Variants in SEMA6A observed in about 807,000 individuals in gnomAD.
SEMA6A encodes semaphorin-6A.
A neutral mutation model predicts 96.8 loss-of-function variants in SEMA6A; 25 were observed. The observed-to-expected ratio is 0.26, with a 90% CI of 0.19 to 0.36. The LOEUF is 0.36. Ranked by LOEUF, SEMA6A falls within the 10% of genes least tolerant of loss-of-function variation. The probability of loss-of-function intolerance (pLI) is 1.00; values close to 1 mark genes in which losing one functional copy is unlikely to be tolerated. For missense variants in SEMA6A, 1,363 were observed against 1,323.1 expected, an observed-to-expected ratio of 1.03 and a Z score of -0.47; for synonymous variants, 612 against 518.0, an observed-to-expected ratio of 1.18 and a Z score of -2.46.
In SEMA6A at chr5:116,445,526, A is replaced by AATGAG. The variant is rs1754123706; in HGVS notation, c.*1082_*1086dup. 6.6e-6 allele frequency: 1 copy of AATGAG among 152,638 alleles called. No individual in the cohort carries two copies. Among genetic ancestry groups the AATGAG allele is most frequent in the Admixed American group, 6.5e-5 (1 of 15,290 alleles). The allele number at this position is 152,638 out of a possible 1,614,324, so 9.5% of individuals were successfully genotyped here. A position where few individuals can be genotyped will look rare whatever the true frequency, so the allele number is the denominator to read the frequency against. ...CCATGGACAAAACCATGTTGGCATCAATGAGATATGATGTGCCATTCTAAA... is the reference window on the plus strand; with the variant it reads ...CCATGGACAAAACCATGTTGGCATCAATGAGATGAGATATGATGTGCCATTCTAAA... On this transcript the variant is annotated 3_prime_UTR_variant, in exon 19 of 19. Transcript: ENST00000343348.
chr5:116,561,748 C>G (rs970133074), intron 1 of SEMA6A, among the ~76,000 whole-genome samples: 3 of 152,120 alleles, frequency 2.0e-5, no homozygotes, highest in Admixed American at 6.5e-5. Context: ...TTCTTGGGAA[C>G]GGATGTGTTT....
At chr5:116,573,070 G>T (rs1180509131) in intron 1 of SEMA6A, among the ~76,000 whole-genome samples, 1 of 151,672 alleles carries the variant, frequency 6.6e-6, no homozygotes, top group African/African-American at 2.4e-5. Context: ...TCAGGATCCT[G>T]TTTTGCACCA....
chr5:116,507,835 T>C (rs1211178220), intron 1 of SEMA6A, among the ~76,000 whole-genome samples: 2 of 152,232 alleles, frequency 1.3e-5, no homozygotes, highest in African/African-American at 4.8e-5. Context: ...TAGCCTGAAG[T>C]GAAATGGCCT....
chr5:116,461,834 A>T (rs2112627850), intron 18 of SEMA6A, among the ~76,000 whole-genome samples: 1 of 152,224 alleles, frequency 6.6e-6, no homozygotes, highest in Admixed American at 6.5e-5. Context: ...TATTTCTTGG[A>T]CAGGAACTAC....
At chr5:116,448,788 C>A (rs1754446077) in intron 18 of SEMA6A, among the ~76,000 whole-genome samples, 1 of 139,798 alleles carries the variant, frequency 7.2e-6, no homozygotes, top group East Asian at 2.1e-4. Flanking sequence ...AGTGCAAACT[C>A]AATTTCAGGT....
chr5:116,478,370 A>T, intron 13 of SEMA6A, 172 bp downstream of exon 13: 1 of 798,434 alleles, frequency 1.3e-6, no homozygotes, highest in South Asian at 1.9e-5. Flanking sequence ...ACACACACAC[A>T]CACATTGGCA....
intron 1 of SEMA6A, among the ~76,000 whole-genome samples, chr5:116,545,327 T>C (rs1580499917): frequency 2.0e-5 from 3 of 152,140 alleles, no homozygotes; most frequent in Admixed American, 2.0e-4. Flanking sequence ...CCCAGCACTT[T>C]GGGAGGCTGA....
At chr5:116,559,719 T>C (rs1760746942) in intron 1 of SEMA6A, among the ~76,000 whole-genome samples, 1 of 152,192 alleles carries the variant, frequency 6.6e-6, no homozygotes. Flanking sequence ...TCCTGGCCAA[T>C]GCCACAACCA....
At chr5:116,478,852 C>T (rs1756605003) in intron 12 of SEMA6A, 134 bp from the exon 13 acceptor site, 3 of 870,960 alleles carry the variant, frequency 3.4e-6, no homozygotes, top group African/African-American at 1.7e-5. Context: ...AAATAATGTT[C>T]TCAAGTGGTT....
intron 1 of SEMA6A, among the ~76,000 whole-genome samples, chr5:116,555,158 C>T (rs186388723): frequency 6.6e-5 from 10 of 152,302 alleles, no homozygotes; most frequent in Admixed American, 3.9e-4. Flanking sequence ...TAACCCCTGA[C>T]CAACAAGTTC....
chr5:116,515,535 T>C (rs761760201), intron 1 of SEMA6A, among the ~76,000 whole-genome samples: 6 of 152,186 alleles, frequency 3.9e-5, no homozygotes, highest in Non-Finnish European at 7.3e-5. Flanking sequence ...TAAAAAGATA[T>C]CTGGAGAGTG....
At chr5:116,493,459 T>C (rs1022108857) in intron 6 of SEMA6A, among the ~76,000 whole-genome samples, 8 of 152,222 alleles carry the variant, frequency 5.3e-5, no homozygotes, top group African/African-American at 1.7e-4. Context: ...ACTTGATCTT[T>C]GGTTTATGAC....
rs1374471087 is a variant in SEMA6A, at chr5:116,444,806, C to G, written c.*1807G>C. The G allele has an allele frequency of 6.6e-6, 1 of 152,346 alleles. No homozygotes were observed. The highest frequency in any genetic ancestry group is 1.5e-5 in the Non-Finnish European group (1 of 68,070). 9.4% of individuals were successfully genotyped at this position (152,346 alleles called of 1,614,324 possible). A position where few individuals can be genotyped will look rare whatever the true frequency, so the allele number is the denominator to read the frequency against. ...TATTTCCATGTCATTTCTTTGTGTG[C>G]ACTGCACGTGTGTGCTGTGCACATG... On this transcript the variant is annotated 3_prime_UTR_variant, in exon 19 of 19. Coordinates refer to ENST00000343348, the MANE Select transcript of SEMA6A (RefSeq NM_020796.5).
intron 1 of SEMA6A, among the ~76,000 whole-genome samples, chr5:116,509,913 A>C (rs1265587658): frequency 6.6e-6 from 1 of 151,840 alleles, no homozygotes; most frequent in Admixed American, 6.6e-5. Flanking sequence ...TTTCCAAAAC[A>C]AACTGGGGAA....
At chr5:116,471,161 G>A (rs1580398627) in intron 17 of SEMA6A, 2 of 152,298 alleles carry the variant, frequency 1.3e-5, no homozygotes, top group East Asian at 3.9e-4. Context: ...AGGATCATTA[G>A]CTGAAAGAAA....
intron 1 of SEMA6A, among the ~76,000 whole-genome samples, chr5:116,535,119 A>AG (rs1759652059): frequency 6.6e-6 from 1 of 152,362 alleles, no homozygotes; most frequent in Non-Finnish European, 1.5e-5. Flanking sequence ...GAAGGAAGGA[A>AG]GGAGGGCAGC....
At position 116,446,736 on chromosome 5, in the gene SEMA6A, G is replaced by T. The variant is rs150657301; in HGVS notation, c.2970C>A (p.Asn990Lys). The T allele has an allele frequency of 6.2e-7, 1 of 1,604,122 alleles. No individual in the cohort carries two copies. The highest frequency in any genetic ancestry group is 8.5e-7 in the Non-Finnish European group (1 of 1,174,892). Reference sequence around the variant, plus strand: ...CCGACCTTGTCAGTGAGTTGTAGGCGTTGAGGCTGGGCTGCCTCGAGACAG... The same window carrying T: ...CCGACCTTGTCAGTGAGTTGTAGGCTTTGAGGCTGGGCTGCCTCGAGACAG... The part of the protein sequence containing the change: ...AVTVSRQPSL[N>K]AYNSLTRSGL... The change falls in exon 19 of 19, where the codon AAC becomes AAA. Residue 990 changes from asparagine (N) to lysine (K), a missense_variant. Asn to Lys is a moderately conservative substitution (Grantham distance 94, BLOSUM62 0). Coordinates refer to ENST00000343348, the MANE Select transcript of SEMA6A (RefSeq NM_020796.5).
intron 1 of SEMA6A, among the ~76,000 whole-genome samples, chr5:116,565,776 G>A (rs551660693): frequency 6.6e-6 from 1 of 152,102 alleles, no homozygotes; most frequent in Non-Finnish European, 1.5e-5. Context: ...AAAGGAGGAG[G>A]GACAGTTGTT....
Position 116,446,663 on chromosome 5 carries a change from A to T in SEMA6A, c.3043T>A (p.Ser1015Thr). The change falls in exon 19 of 19, where the codon TCC becomes ACC. Residue 1015 changes from serine to threonine, a missense_variant. This residue lies in a region of SEMA6A where 883 missense variants were observed against 763.6 expected (regional missense o/e 1.16). Transcript: ENST00000343348. ...ATGGATGTGGAAAGGGGAGCAAAGG[A>T]TGGTTTGGGGGGTACGTCCGGCTTT... ...SLKPDVPPKP[S>T]FAPLSTSMKP... 1 of 1,541,234 alleles carries T rather than the reference A, an allele frequency of 6.5e-7. No individual in the cohort carries two copies. Among genetic ancestry groups the T allele is most frequent in the Non-Finnish European group, 8.8e-7 (1 of 1,142,784 alleles).
Sources: gnomAD v4.1 joint callset for allele counts (sites outside exome capture counted in the v4.1 genomes callset) on GRCh38, gnomAD v4.1.1 for gene constraint, gnomAD v4.1.1 regional missense constraint, MANE v1.5 for transcripts, NCBI Gene and HGNC (gene_info 2026-07-23, HGNC 2026-07-21) for gene names.